NHSL1: variants seen among roughly 807,000 people sequenced by gnomAD.
NHSL1 encodes NHS like 1.
A neutral mutation model predicts 95.0 loss-of-function variants in NHSL1; 48 were observed. The ratio of observed to expected loss-of-function variants is 0.51; its 90% confidence interval spans 0.40 to 0.64. The LOEUF (loss-of-function observed/expected upper bound fraction) is 0.64, where lower values mean the gene tolerates loss of function less well. Among genes scored for constraint, NHSL1 ranks in the 30% least tolerant of loss-of-function variants. NHSL1 has a pLI of 0.00. For synonymous variants in NHSL1, 783 were observed against 833.9 expected, an observed-to-expected ratio of 0.94 and a Z score of 1.05; for missense variants, 1,971 against 2,077.7, an observed-to-expected ratio of 0.95 and a Z score of 1.00.
At position 138,424,351 on chromosome 6, in the gene NHSL1, G is replaced by C; in HGVS notation, c.4551C>G (p.Ile1517Met). The C allele has an allele frequency of 6.5e-7, 1 of 1,546,992 alleles. No homozygotes were observed. Among genetic ancestry groups the C allele is most frequent in the Non-Finnish European group, 8.7e-7 (1 of 1,144,402 alleles). The change falls in exon 8 of 8, where the codon ATC becomes ATG. Residue 1517 changes from isoleucine to methionine, a missense_variant. Physicochemically the swap from Ile to Met is conservative, Grantham distance 10. Coordinates refer to ENST00000343505, the MANE Select transcript of NHSL1 (RefSeq NM_001144060.2). This position sits in a 1 kb window ranked among gnomAD's most constrained non-coding sequence, Gnocchi z 5.9. ...ASSRYSMRNR[I>M]QSSPMTVISE... ...AGATGACGGTCATGGGGCTGCTCTG[G>C]ATCCGGTTCCGCATGCTGTACCTGC...
intron 4 of NHSL1, among the ~76,000 whole-genome samples, chr6:138,442,840 C>T (rs530408150): frequency 6.6e-6 from 1 of 152,224 alleles, no homozygotes; most frequent in African/African-American, 2.4e-5. Flanking sequence ...CATAGGACTT[C>T]TTTTTTTCCT....
chr6:138,499,203 T>G, intron 1 of NHSL1, 30 bp downstream of exon 1: 1 of 1,382,646 alleles, frequency 7.2e-7, no homozygotes, highest in Non-Finnish European at 1.0e-6. Context: ...ATGCACACAA[T>G]AGGTAGTAGA....
chr6:138,464,126 TG>T, intron 3 of NHSL1: 1 of 543,540 alleles, frequency 1.8e-6, no homozygotes. Context: ...CACCGCTATC[TG>T]GTCCTCGATC....
In NHSL1 at chr6:138,585,175, G is replaced by A. The variant is rs183739198; in HGVS notation, c.97-88804C>T. Reference sequence around the variant, plus strand: ...GGCTGGTGGACCAGCACAGATGATTGGCTAGGCTGGAAGCAGATGATTAGT... The same window carrying A: ...GGCTGGTGGACCAGCACAGATGATTAGCTAGGCTGGAAGCAGATGATTAGT... On this transcript the variant is annotated intron_variant, in intron 1 of 3. Transcript: ENST00000491526. 3.9e-5 allele frequency among the ~76,000 whole-genome samples: 6 copies of A among 152,312 alleles called. No homozygotes were observed. In the East Asian group the frequency reaches 9.7e-4, roughly 25 times the overall value.
chr6:138,647,602 CT>C (rs368149578), intron 1 of NHSL1, among the ~76,000 whole-genome samples: 2,049 of 136,164 alleles, frequency 0.015, 16 homozygotes, highest in African/African-American at 0.021. Context: ...ATATTTCTCA[CT>C]TTTTTTTTTT....
chr6:138,637,630 C>T (rs1011861979), intron 1 of NHSL1, among the ~76,000 whole-genome samples: 1 of 152,140 alleles, frequency 6.6e-6, no homozygotes, highest in African/African-American at 2.4e-5. Flanking sequence ...TGAAAAGGTG[C>T]TCAACATCAC....
At chr6:138,456,579 T>A (rs770121428) in intron 3 of NHSL1, among the ~76,000 whole-genome samples, 9 of 152,238 alleles carry the variant, frequency 5.9e-5, no homozygotes, top group Non-Finnish European at 1.3e-4. Context: ...AGAGATTGCA[T>A]AACTCATGAT....
At chr6:138,537,827 C>T (rs1284006767) in intron 1 of NHSL1, among the ~76,000 whole-genome samples, 1 of 152,106 alleles carries the variant, frequency 6.6e-6, no homozygotes, top group Non-Finnish European at 1.5e-5. Context: ...CCGCCAAAAG[C>T]TGGCACAAGC....
chr6:138,605,922 T>A (rs1416502132), intron 1 of NHSL1, among the ~76,000 whole-genome samples: 2 of 152,216 alleles, frequency 1.3e-5, no homozygotes, highest in African/African-American at 2.4e-5. Context: ...TTATGTAATA[T>A]CCTTTGATTT....
intron 1 of NHSL1, among the ~76,000 whole-genome samples, chr6:138,655,459 C>T (rs1785145138): frequency 6.6e-6 from 1 of 152,132 alleles, no homozygotes; most frequent in South Asian, 2.1e-4. Flanking sequence ...CTCTTGCTGT[C>T]CATTCTCCCT....
chr6:138,469,323 T>C (rs1262995376), intron 3 of NHSL1, among the ~76,000 whole-genome samples: 2 of 152,240 alleles, frequency 1.3e-5, no homozygotes, highest in African/African-American at 4.8e-5. Context: ...TAGAGGGACC[T>C]GCAGGAAGCG....
At chr6:138,548,519 T>C (rs1782889931), upstream of NHSL1, among the ~76,000 whole-genome samples, 1 of 152,100 alleles carries the variant, frequency 6.6e-6, no homozygotes. Flanking sequence ...ATCATTACGG[T>C]TGGTGTATTT....
Position 138,424,472 on chromosome 6 carries a change from T to A in NHSL1, c.4430A>T (p.Glu1477Val). The A allele has an allele frequency of 6.4e-7, 1 of 1,551,454 alleles. No individual in the cohort carries two copies. The highest frequency in any genetic ancestry group is 8.7e-7 in the Non-Finnish European group (1 of 1,146,912). The change falls in exon 8 of 8, where the codon GAG (glutamate) becomes GTG (valine). Residue 1477 changes from glutamate (E) to valine (V), a missense_variant. Coordinates refer to ENST00000343505, the MANE Select transcript of NHSL1 (RefSeq NM_001144060.2). The surrounding 1 kb of genome is among the most constrained non-coding windows in gnomAD (Gnocchi z 5.9). ...CSPSKNRRAQ[E>V]EWAKNEGLMP... ...CAAGCCTTCGTTCTTGGCCCACTCC[T>A]CCTGCGCCCTTCTGTTCTTGCTTGG...
intron 1 of NHSL1, among the ~76,000 whole-genome samples, chr6:138,583,516 T>C (rs1784091155): frequency 6.6e-6 from 1 of 152,136 alleles, no homozygotes; most frequent in African/African-American, 2.4e-5. Flanking sequence ...CGCAGAGAGA[T>C]GCTGCGCTTC....
chr6:138,501,334 A>G (rs1448376876), upstream of NHSL1, among the ~76,000 whole-genome samples: 1 of 152,208 alleles, frequency 6.6e-6, no homozygotes, highest in Non-Finnish European at 1.5e-5. Flanking sequence ...CCCTGCCCTC[A>G]TGGAGCTTAA....
In NHSL1 at chr6:138,430,720, G is replaced by A. The variant is rs1775579573; in HGVS notation, c.3625C>T (p.Gln1209Ter). The A allele has an allele frequency of 1.3e-6, 2 of 1,551,616 alleles. No homozygotes were observed. Among genetic ancestry groups the A allele is most frequent in the Non-Finnish European group, 1.7e-6 (2 of 1,147,026 alleles). The change falls in exon 6 of 8, where the codon CAG becomes TAG. Residue 1209 changes from glutamine to a stop codon, truncating the protein, a stop_gained. Transcript: ENST00000343505. LOFTEE classifies it high-confidence loss of function. The surrounding 1 kb of genome is among the most constrained non-coding windows in gnomAD (Gnocchi z 4.7). ...GCGGGCTCCACTGCAAAATCTTTCTGCGGAGGTGGTACCACCAGGAACAGT... is the reference window on the plus strand; with the variant it reads ...GCGGGCTCCACTGCAAAATCTTTCTACGGAGGTGGTACCACCAGGAACAGT... ...PKLFLVVPPP[Q>*]KDFAVEPAEN...
chr6:138,503,671 A>C (rs954904872), upstream of NHSL1, among the ~76,000 whole-genome samples: 1 of 152,180 alleles, frequency 6.6e-6, no homozygotes, highest in African/African-American at 2.4e-5. Context: ...TTAAGAGAAA[A>C]AGACGGCTGG....
chr6:138,660,835 T>C (rs1423833588), intron 1 of NHSL1, among the ~76,000 whole-genome samples: 8 of 151,244 alleles, frequency 5.3e-5, no homozygotes, highest in Non-Finnish European at 1.2e-4. Context: ...GGCTCATGCC[T>C]GTAATCCCAG....
intron 1 of NHSL1, among the ~76,000 whole-genome samples, chr6:138,662,913 G>T (rs1252734575): frequency 2.0e-5 from 3 of 151,612 alleles, no homozygotes; most frequent in Admixed American, 6.6e-5. Flanking sequence ...GTTTCTGGAG[G>T]CCACTTAGGT....
Sources: gnomAD v4.1 joint callset for allele counts (sites outside exome capture counted in the v4.1 genomes callset) on GRCh38, gnomAD v4.1.1 for gene constraint, Gnocchi (gnomAD v3.1) non-coding constraint, MANE v1.5 for transcripts, NCBI Gene and HGNC (gene_info 2026-07-23, HGNC 2026-07-21) for gene names.